Variants in TMEM234 observed in about 807,000 individuals in gnomAD.
The protein encoded by TMEM234 is transmembrane protein 234.
Under a neutral mutation model 17.8 loss-of-function variants are expected in TMEM234, and 21 were observed. That is an observed-to-expected ratio of 1.18 (90% CI 0.84 to 1.70). The LOEUF (loss-of-function observed/expected upper bound fraction) is 1.70. Among genes scored for constraint, TMEM234 ranks in the 40% most tolerant of loss-of-function variants. TMEM234 has a pLI of 0.00. For missense variants in TMEM234, 137 were observed against 166.9 expected, an observed-to-expected ratio of 0.82 and a Z score of 0.99; for synonymous variants, 83 against 73.5, an observed-to-expected ratio of 1.13 and a Z score of -0.66.
At position 32,222,304 on chromosome 1, in the gene TMEM234, T is replaced by A; in HGVS notation, c.16+3A>T. Reference sequence around the variant, plus strand: ...CCATGGAAGGGCGGGGCCGGCTACCTACCCAGAGACGCCGCCATGGCAACG... The same window carrying A: ...CCATGGAAGGGCGGGGCCGGCTACCAACCCAGAGACGCCGCCATGGCAACG... On this transcript the variant is annotated splice_donor_region_variant and intron_variant, in intron 1 of 4. Transcript: ENST00000309777. 6.4e-7 allele frequency: 1 copy of A among 1,554,746 alleles called. No homozygotes were observed. The highest frequency in any genetic ancestry group is 1.4e-5 in the African/African-American group (1 of 72,808).
At chr1:32,214,979 G>A (rs780480238), downstream of TMEM234, 38 of 1,610,146 alleles carry the variant, frequency 2.4e-5, no homozygotes, top group South Asian at 4.4e-5. Context: ...CCCTTTGACA[G>A]TGACATAGGT....
downstream of TMEM234, chr1:32,215,666 T>A: frequency 2.2e-5 from 25 of 1,118,502 alleles, no homozygotes; most frequent in Non-Finnish European, 3.1e-5. Flanking sequence ...ATCTCCTAAC[T>A]TCCTACCTTG....
In TMEM234 at chr1:32,216,593, A is replaced by T. The variant is rs1638405774; in HGVS notation, c.*260T>A. ...GAGCCTGAGATGTTAGCAGGAAGAGAGCTGCTGGGGCAGAAAGGTTGCTGA... is the reference window on the plus strand; with the variant it reads ...GAGCCTGAGATGTTAGCAGGAAGAGTGCTGCTGGGGCAGAAAGGTTGCTGA... On this transcript the variant is annotated 3_prime_UTR_variant, in exon 5 of 5. Transcript: ENST00000309777. The T allele has an allele frequency of 6.5e-7, 1 of 1,541,256 alleles. No homozygotes were observed.
chr1:32,215,079 C>T, downstream of TMEM234: 1 of 1,163,198 alleles, frequency 8.6e-7, no homozygotes. Context: ...ATAAAGGAGT[C>T]TGAACCTACT....
rs756844601 is a variant in TMEM234 at position 32,216,543 on chromosome 1, G to T, written c.*310C>A. ...CTGCCACCATGATAGTCCAGATCAG[G>T]CCACAGTAATGGTGGCTGGGCTGGG... On this transcript the variant is annotated 3_prime_UTR_variant, in exon 5 of 5. Transcript: ENST00000309777. 18 of 1,551,000 alleles carry T rather than the reference G, an allele frequency of 1.2e-5. No individual in the cohort carries two copies. In the South Asian group the frequency reaches 2.1e-4, roughly 18 times the overall value.
At position 32,222,348 on chromosome 1, in the gene TMEM234, G is replaced by A; in HGVS notation, c.-26C>T. ...GGCAACGCCGCTGTCTTCTACTTCC[G>A]GGAACGAAGGGGCGGAGACCCATAA... On this transcript the variant is annotated 5_prime_UTR_variant, in exon 1 of 5. Coordinates refer to ENST00000309777, the MANE Select transcript of TMEM234 (RefSeq NM_019118.5). 3.2e-6 allele frequency: 5 copies of A among 1,563,848 alleles called. No individual in the cohort carries two copies. Among genetic ancestry groups the A allele is most frequent in the South Asian group, 2.4e-5 (2 of 85,090 alleles).
chr1:32,217,617 G>C (rs568958119), intron 3 of TMEM234: 89 of 683,326 alleles, frequency 1.3e-4, no homozygotes, highest in South Asian at 7.0e-4. Flanking sequence ...CACTCAAAGA[G>C]AACTCGTGAG....
At chr1:32,220,315 T>C (rs1557545918) in intron 3 of TMEM234, among the ~76,000 whole-genome samples, 1 of 152,190 alleles carries the variant, frequency 6.6e-6, no homozygotes, top group Non-Finnish European at 1.5e-5. Flanking sequence ...TAGCTGGGAC[T>C]ACAGGCACAC....
At chr1:32,220,199 G>C (rs1339581537) in intron 3 of TMEM234, among the ~76,000 whole-genome samples, 1 of 152,172 alleles carries the variant, frequency 6.6e-6, no homozygotes, top group Non-Finnish European at 1.5e-5. Context: ...TTTTGAGACA[G>C]AGTCTCGCTC....
At chr1:32,221,289 G>C in intron 2 of TMEM234, 92 bp from the exon 3 acceptor site, 5 of 1,009,450 alleles carry the variant, frequency 5.0e-6, no homozygotes, top group South Asian at 1.4e-5. Context: ...TCCTTGGAGG[G>C]AGGCAGGGTT....
At chr1:32,221,779 G>C in intron 2 of TMEM234, 88 bp downstream of exon 2, 1 of 1,545,988 alleles carries the variant, frequency 6.5e-7, no homozygotes, top group Non-Finnish European at 8.8e-7. Context: ...GTGAGTAAGT[G>C]GTGGGGCTGA....
chr1:32,214,995 C>G, downstream of TMEM234: 1 of 1,594,998 alleles, frequency 6.3e-7, no homozygotes, highest in Non-Finnish European at 8.5e-7. Context: ...TAGGTTGGTC[C>G]CTGCTGTTGT....
intron 3 of TMEM234, among the ~76,000 whole-genome samples, chr1:32,219,565 G>C (rs1047144633): frequency 6.6e-5 from 10 of 151,914 alleles, no homozygotes; most frequent in Non-Finnish European, 4.4e-5. Context: ...GTTAATTTTC[G>C]TATTTTTGTT....
At chr1:32,215,158 GC>G, downstream of TMEM234, 1 of 634,946 alleles carries the variant, frequency 1.6e-6, no homozygotes. Flanking sequence ...GTCTCCAGCT[GC>G]CCCCGTCTGT....
chr1:32,217,413 A>G lies in TMEM234; in HGVS notation c.236-62T>C, dbSNP rs1638497646. The G allele has an allele frequency of 8.2e-6, 13 of 1,588,464 alleles. No individual in the cohort carries two copies. In the South Asian group the frequency reaches 1.5e-4, roughly 18 times the overall value. On this transcript the variant is annotated intron_variant, in intron 3 of 4. Transcript: ENST00000309777. The stretch of plus-strand genomic sequence containing the variant: ...ACAAATGCCTTTCTAGGCACAAAAC[A>G]CTTCCATCATCATCATTTCATACCT...
downstream of TMEM234, chr1:32,215,483 AGCGGGG>A (rs778367462): frequency 6.2e-7 from 1 of 1,613,686 alleles, no homozygotes; most frequent in East Asian, 2.2e-5. Flanking sequence ...GGAAGGAGAC[AGCGGGG>A]GCCCTGGAAG....
intron 3 of TMEM234, among the ~76,000 whole-genome samples, chr1:32,220,896 C>T (rs943019243): frequency 6.6e-6 from 1 of 152,124 alleles, no homozygotes; most frequent in African/African-American, 2.4e-5. Flanking sequence ...CTTCTTCCTC[C>T]GCTGGTCACA....
Position 32,221,147 on chromosome 1 carries a change from G to A in TMEM234, c.219C>T (p.Leu73=), listed in dbSNP as rs1256664711. The change falls in exon 3 of 5, where the codon CTC becomes CTT. Residue 73 remains leucine (L), a synonymous_variant. Coordinates refer to ENST00000309777, the MANE Select transcript of TMEM234 (RefSeq NM_019118.5). The stretch of plus-strand genomic sequence containing the variant: ...AGGACCCACCTGTCGATGCCAAGGT[G>A]AGGTAATAGAGAAGGGATCCACACT... ...LNQCGSLLYY[L]TLASTDLTLA... 3 of 1,613,412 alleles carry A rather than the reference G, an allele frequency of 1.9e-6. No homozygotes were observed. The highest frequency in any genetic ancestry group is 2.5e-6 in the Non-Finnish European group (3 of 1,179,762).
At position 32,216,555 on chromosome 1, in the gene TMEM234, G is replaced by A. The variant is rs1414067563; in HGVS notation, c.*298C>T. On this transcript the variant is annotated 3_prime_UTR_variant, in exon 5 of 5. Transcript: ENST00000309777. ...TAGTCCAGATCAGGCCACAGTAATGGTGGCTGGGCTGGGAGCCTGAGATGT... is the reference window on the plus strand; with the variant it reads ...TAGTCCAGATCAGGCCACAGTAATGATGGCTGGGCTGGGAGCCTGAGATGT... 1 of 1,547,990 alleles carries A rather than the reference G, an allele frequency of 6.5e-7. No homozygotes were observed.
Sources: allele counts gnomAD v4.1 joint callset (sites outside exome capture counted in the v4.1 genomes callset), GRCh38; gene constraint gnomAD v4.1.1; transcripts MANE v1.5; gene names NCBI Gene and HGNC (gene_info 2026-07-23, HGNC 2026-07-21).